The following DNAJB6 variants were observed in gnomAD, a reference collection of about 807,000 sequenced individuals.
The protein encoded by DNAJB6 is dnaJ homolog subfamily B member 6.
In DNAJB6, 16 loss-of-function variants were observed where a neutral mutation model predicts 42.7. The observed-to-expected ratio is 0.37, with a 90% confidence interval of 0.25 to 0.57. DNAJB6 has a LOEUF of 0.57. Among genes scored for constraint, DNAJB6 ranks in the 20% least tolerant of loss-of-function variants. The pLI, the probability that DNAJB6 is intolerant of heterozygous loss-of-function variation, is 0.74. For synonymous variants in DNAJB6, 170 were observed against 163.5 expected (o/e 1.04, Z -0.30); for missense variants, 347 against 416.8 (o/e 0.83, Z 1.46).
chr7:157,354,187 G>T (rs2116923818), intron 1 of DNAJB6, among the ~76,000 whole-genome samples: 1 of 152,068 alleles, frequency 6.6e-6, no homozygotes, highest in East Asian at 1.9e-4. Context: ...TGTTCTTGTT[G>T]CCCAGGCTGG....
chr7:157,365,442 G>A (rs953910246), intron 3 of DNAJB6, among the ~76,000 whole-genome samples: 7 of 152,226 alleles, frequency 4.6e-5, no homozygotes, highest in Non-Finnish European at 1.0e-4. Context: ...AGCCTGTAGG[G>A]TGTTAGGTTG....
chr7:157,409,775 C>G lies in DNAJB6; in HGVS notation c.692-20C>G, dbSNP rs528258385. ...CGCCGCCGCTCACTCACGGCTCTCT[C>G]TCTCCCGCTGTGCCTGCAGGTGTGG... On this transcript the variant is annotated intron_variant, in intron 8 of 9. Coordinates refer to ENST00000262177, the MANE Select transcript of DNAJB6 (RefSeq NM_058246.4). The G allele has an allele frequency of 1.3e-6, 2 of 1,511,678 alleles. No individual in the cohort carries two copies. Among genetic ancestry groups the G allele is most frequent in the South Asian group, 1.2e-5 (1 of 81,572 alleles). 93.6% of individuals were successfully genotyped at this position (1,511,678 alleles called of 1,614,324 possible).
At chr7:157,380,546 T>A (rs1800708767) in intron 5 of DNAJB6, 1 of 152,328 alleles carries the variant, frequency 6.6e-6, no homozygotes, top group Non-Finnish European at 1.5e-5. Flanking sequence ...CAGTAACCGT[T>A]TGAGTAACTT....
chr7:157,369,942 CCTT>C lies in DNAJB6; in HGVS notation c.346+2463_346+2465del, dbSNP rs538564467. On this transcript the variant is annotated intron_variant, in intron 5 of 9. Coordinates refer to ENST00000262177, the MANE Select transcript of DNAJB6 (RefSeq NM_058246.4). ...TCTTAACATTATTATTAAACGGGAC[CCTT>C]CTTAAGATTATTAAACGGGCCCTTT... Among the ~76,000 whole-genome samples, 169 of 137,420 alleles carry C rather than the reference CCTT, an allele frequency of 1.2e-3. 1 individual carries two copies. Among genetic ancestry groups the C allele is most frequent in the Non-Finnish European group, 1.7e-3 (112 of 65,154 alleles). 90.2% of individuals were successfully genotyped at this position (137,420 alleles called of 152,430 possible).
At chr7:157,399,128 A>C (rs1801729041) in intron 8 of DNAJB6, among the ~76,000 whole-genome samples, 2 of 152,224 alleles carry the variant, frequency 1.3e-5, no homozygotes, top group African/African-American at 4.8e-5. Flanking sequence ...TGTTTTCTTA[A>C]GGATGTTTGT....
intron 8 of DNAJB6, among the ~76,000 whole-genome samples, chr7:157,401,882 G>A (rs1405121606): frequency 6.6e-6 from 1 of 152,196 alleles, no homozygotes; most frequent in Non-Finnish European, 1.5e-5. Context: ...CAGCGGGCTG[G>A]CGCCTGCCTT....
intron 1 of DNAJB6, among the ~76,000 whole-genome samples, chr7:157,347,899 G>A (rs547415757): frequency 1.3e-5 from 2 of 152,142 alleles, no homozygotes; most frequent in South Asian, 4.2e-4. Flanking sequence ...GGGCTCAAGC[G>A]ATTCTTCTGC....
intron 8 of DNAJB6, among the ~76,000 whole-genome samples, chr7:157,397,433 A>G (rs1009189586): frequency 6.6e-6 from 1 of 152,198 alleles, no homozygotes. Context: ...CAGCTCTGAC[A>G]TGAGTGGGGA....
At chr7:157,369,692 C>CG (rs1242535046) in intron 5 of DNAJB6, among the ~76,000 whole-genome samples, 115 of 149,026 alleles carry the variant, frequency 7.7e-4, no homozygotes, top group Middle Eastern at 3.5e-3. Flanking sequence ...TTAAACAGGC[C>CG]TTTCATAACG....
At chr7:157,361,632 T>G (rs796896865) in intron 2 of DNAJB6, among the ~76,000 whole-genome samples, 13 of 152,342 alleles carry the variant, frequency 8.5e-5, no homozygotes, top group African/African-American at 3.1e-4. Context: ...CACTGTCAGA[T>G]TAGTATACTA....
intron 1 of DNAJB6, among the ~76,000 whole-genome samples, chr7:157,356,503 C>T (rs1799283993): frequency 1.3e-5 from 2 of 152,192 alleles, no homozygotes; most frequent in Non-Finnish European, 1.5e-5. Flanking sequence ...GTTGCCATGT[C>T]ATTCTAACTA....
rs1563118395 is a variant in DNAJB6, at chr7:157,357,285, T to TTTTGAGA, written c.-26-1262_-26-1261insTTTGAGA. Among the ~76,000 whole-genome samples the TTTTGAGA allele has an allele frequency of 4.9e-3, 184 of 37,352 alleles. 21 individuals are homozygous for TTTTGAGA. The highest frequency in any genetic ancestry group is 0.039 in the East Asian group (39 of 1,008). The allele number at this position is 37,352 out of a possible 152,430, so 24.5% of individuals were successfully genotyped here. A position where few individuals can be genotyped will look rare whatever the true frequency, so the allele number is the denominator to read the frequency against. ...TTCCGTCCTTCCTTCCGTCCTTCCTTCCGTCCTTCCTTCCTTCCTTCCTTC... is the reference window on the plus strand; with the variant it reads ...TTCCGTCCTTCCTTCCGTCCTTCCTTTTTGAGACCGTCCTTCCTTCCTTCCTTCCTTC... On this transcript the variant is annotated intron_variant, in intron 1 of 9. Coordinates refer to ENST00000262177, the MANE Select transcript of DNAJB6 (RefSeq NM_058246.4).
chr7:157,365,586 C>T (rs62493456), intron 3 of DNAJB6, among the ~76,000 whole-genome samples: 23 of 152,140 alleles, frequency 1.5e-4, no homozygotes, highest in Middle Eastern at 3.2e-3. Context: ...TAATCTTGTA[C>T]TTGGTCGTGT....
At position 157,416,176 on chromosome 7, in the gene DNAJB6, A is replaced by C. The variant is rs1796103910; in HGVS notation, c.*78A>C. Reference sequence around the variant, plus strand: ...CGGCATGCGGTCGTGCACACGCGCTAGGTAGCAGCGTCGGTCAGGACTGTC... The same window carrying C: ...CGGCATGCGGTCGTGCACACGCGCTCGGTAGCAGCGTCGGTCAGGACTGTC... On this transcript the variant is annotated 3_prime_UTR_variant, in exon 10 of 10. Coordinates refer to ENST00000262177, the MANE Select transcript of DNAJB6 (RefSeq NM_058246.4). The C allele has an allele frequency of 1.3e-6, 2 of 1,561,188 alleles. No homozygotes were observed. Among genetic ancestry groups the C allele is most frequent in the South Asian group, 2.3e-5 (2 of 86,536 alleles).
intron 8 of DNAJB6, among the ~76,000 whole-genome samples, chr7:157,406,562 G>A (rs1261501762): frequency 1.3e-5 from 2 of 152,194 alleles, no homozygotes; most frequent in South Asian, 2.1e-4. Context: ...GGCCGGGGGC[G>A]GAGTGGCTGA....
chr7:157,359,062 A>T (rs771505749), intron 2 of DNAJB6, among the ~76,000 whole-genome samples: 1 of 152,194 alleles, frequency 6.6e-6, no homozygotes, highest in Non-Finnish European at 1.5e-5. Flanking sequence ...CGAGAACTGC[A>T]GCGCTGCCTG....
chr7:157,342,978 T>G (rs1409695754), intron 1 of DNAJB6, among the ~76,000 whole-genome samples: 2 of 151,840 alleles, frequency 1.3e-5, no homozygotes, highest in African/African-American at 2.4e-5. Flanking sequence ...TGTCTGTACT[T>G]TTTTTGTTTT....
At chr7:157,386,869 GCAAGCCTT>G (rs975265898) in intron 8 of DNAJB6, among the ~76,000 whole-genome samples, 1 of 146,688 alleles carries the variant, frequency 6.8e-6, no homozygotes, top group African/African-American at 2.6e-5. Flanking sequence ...GGGAGACAGA[GCAAGCCTT>G]CATCTCAAAA....
intron 3 of DNAJB6, among the ~76,000 whole-genome samples, chr7:157,364,668 A>ATTAGG (rs1799761970): frequency 3.3e-5 from 5 of 152,308 alleles, no homozygotes; most frequent in Admixed American, 1.3e-4. Flanking sequence ...CAGTATTGCC[A>ATTAGG]GATTCAGGAT....
Sources: gnomAD v4.1 joint callset for allele counts (sites outside exome capture counted in the v4.1 genomes callset) on GRCh38, gnomAD v4.1.1 for gene constraint, MANE v1.5 for transcripts, NCBI Gene and HGNC (gene_info 2026-07-23, HGNC 2026-07-21) for gene names.